IL1RAPL2: variants seen among roughly 807,000 people sequenced by gnomAD.
IL1RAPL2 encodes X-linked interleukin-1 receptor accessory protein-like 2.
In IL1RAPL2, 3 loss-of-function variants were observed where a neutral mutation model predicts 44.1. The ratio of observed to expected loss-of-function variants is 0.07; its 90% CI spans 0.03 to 0.18. The LOEUF (loss-of-function observed/expected upper bound fraction) is 0.18. Ranked by LOEUF, IL1RAPL2 falls within the 10% of genes least tolerant of loss-of-function variation. IL1RAPL2 has a pLI of 1.00. For missense variants in IL1RAPL2, 391 were observed against 496.4 expected (o/e 0.79, Z 2.02); for synonymous variants, 181 against 178.8 (o/e 1.01, Z -0.10).
At chrX:105,028,285 T>C (rs2031412242) in intron 2 of IL1RAPL2, among the ~76,000 whole-genome samples, 1 of 111,037 alleles carries the variant, frequency 9.0e-6, no homozygotes, top group Admixed American at 9.6e-5. Flanking sequence ...AGAGTGACTA[T>C]AGTCAATAAT....
intron 5 of IL1RAPL2, among the ~76,000 whole-genome samples, chrX:105,327,557 A>C (rs1166806132): frequency 8.9e-6 from 1 of 111,754 alleles, no homozygotes; most frequent in Non-Finnish European, 1.9e-5. Context: ...TGATTATTTA[A>C]ATTCTAGCAG....
intron 6 of IL1RAPL2, among the ~76,000 whole-genome samples, chrX:105,667,330 C>G (rs777376078): frequency 8.9e-6 from 1 of 112,061 alleles, no homozygotes; most frequent in Non-Finnish European, 1.9e-5. Flanking sequence ...CCTCAAAAAT[C>G]TGTTGTTTTA....
chrX:104,961,183 C>T (rs1261079983), intron 2 of IL1RAPL2, among the ~76,000 whole-genome samples: 1 of 111,370 alleles, frequency 9.0e-6, no homozygotes, highest in Non-Finnish European at 1.9e-5. Context: ...AAAGCAATCC[C>T]GGGGCCTCTG....
At chrX:104,945,546 T>C (rs1477843724) in intron 2 of IL1RAPL2, among the ~76,000 whole-genome samples, 1 of 111,811 alleles carries the variant, frequency 8.9e-6, no homozygotes, top group Non-Finnish European at 1.9e-5. Context: ...ATCAAGTGTA[T>C]GATATACAGG....
chrX:104,832,182 G>A (rs1338177950), intron 2 of IL1RAPL2, among the ~76,000 whole-genome samples: 1 of 111,583 alleles, frequency 9.0e-6, no homozygotes, highest in East Asian at 2.8e-4. Context: ...CAACAGATAT[G>A]TATTCCTGCC....
At chrX:105,418,115 A>G (rs1372984778) in intron 5 of IL1RAPL2, among the ~76,000 whole-genome samples, 3 of 110,836 alleles carry the variant, frequency 2.7e-5, no homozygotes, top group Non-Finnish European at 5.7e-5. Context: ...TTCAGCTTTA[A>G]TGTGAACTCC....
intron 2 of IL1RAPL2, among the ~76,000 whole-genome samples, chrX:104,715,373 TC>T (rs1198549136): frequency 4.7e-5 from 5 of 105,903 alleles, no homozygotes; most frequent in Non-Finnish European, 9.7e-5. Context: ...TTCTCTTTTT[TC>T]TTCATTACTC....
chrX:105,405,766 G>C, intron 5 of IL1RAPL2: 2 of 1,043,718 alleles, frequency 1.9e-6, no homozygotes, highest in East Asian at 6.1e-5. Flanking sequence ...CAGCATTCAA[G>C]AAATATTTAT....
chrX:104,782,644 T>C (rs1393533683), intron 2 of IL1RAPL2, among the ~76,000 whole-genome samples: 1 of 111,549 alleles, frequency 9.0e-6, no homozygotes, highest in Non-Finnish European at 1.9e-5. Context: ...CTTGTAAATA[T>C]TCATCAGCTC....
chrX:105,642,874 C>T (rs1314586250), intron 6 of IL1RAPL2, among the ~76,000 whole-genome samples: 2 of 112,893 alleles, frequency 1.8e-5, no homozygotes, highest in African/African-American at 6.4e-5. Context: ...TTTCTTCTTA[C>T]TATGTAACAA....
chrX:105,034,330 C>T lies in IL1RAPL2; in HGVS notation c.83-161145C>T, dbSNP rs144547833. On this transcript the variant is annotated intron_variant, in intron 2 of 10. Transcript: ENST00000372582. The stretch of plus-strand genomic sequence containing the variant: ...TTCTAGAGTTTCCAGATTTTCTGCT[C>T]TGTTTTTTCCCCATCTTTGTGGTTT... Among the ~76,000 whole-genome samples the T allele has an allele frequency of 3.3e-3, 370 of 111,927 alleles. 2 individuals are homozygous for T. The highest frequency in any genetic ancestry group is 0.011 in the African/African-American group (344 of 30,815).
At chrX:105,227,621 C>A (rs370518411) in intron 3 of IL1RAPL2, among the ~76,000 whole-genome samples, 1 of 111,651 alleles carries the variant, frequency 9.0e-6, no homozygotes, top group East Asian at 2.8e-4. Context: ...AGCAGGTGCC[C>A]ATTAAATGTC....
At chrX:105,670,912 A>G (rs1602513075) in intron 6 of IL1RAPL2, among the ~76,000 whole-genome samples, 1 of 106,930 alleles carries the variant, frequency 9.4e-6, no homozygotes. Context: ...ATATATATAT[A>G]CCATACATAT....
At chrX:105,108,980 C>G (rs2032774473) in intron 2 of IL1RAPL2, among the ~76,000 whole-genome samples, 1 of 111,650 alleles carries the variant, frequency 9.0e-6, no homozygotes, top group Non-Finnish European at 1.9e-5. Context: ...ATTTGCTCTC[C>G]CGCTTCACTC....
intron 2 of IL1RAPL2, among the ~76,000 whole-genome samples, chrX:105,014,157 C>T (rs758436686): frequency 1.8e-5 from 2 of 111,002 alleles, no homozygotes; most frequent in Non-Finnish European, 3.8e-5. Context: ...ATATTTTTCC[C>T]CAGGGAACAT....
intron 6 of IL1RAPL2, among the ~76,000 whole-genome samples, chrX:105,620,877 C>A (rs1602492273): frequency 9.0e-6 from 1 of 111,290 alleles, no homozygotes; most frequent in East Asian, 2.9e-4. Context: ...AAATATGAAT[C>A]TAATCTTGCT....
At chrX:105,626,003 GC>G (rs1466963147) in intron 6 of IL1RAPL2, among the ~76,000 whole-genome samples, 1 of 111,547 alleles carries the variant, frequency 9.0e-6, no homozygotes, top group Non-Finnish European at 1.9e-5. Flanking sequence ...ATCTAGGAGT[GC>G]CTTATTTAAA....
intron 6 of IL1RAPL2, among the ~76,000 whole-genome samples, chrX:105,610,198 T>A (rs949147635): frequency 2.7e-5 from 3 of 111,839 alleles, no homozygotes; most frequent in African/African-American, 9.8e-5. Context: ...GATAGAAGAT[T>A]GATTCTTGGA....
intron 5 of IL1RAPL2, among the ~76,000 whole-genome samples, chrX:105,434,413 G>A (rs928136916): frequency 6.3e-5 from 7 of 111,851 alleles, no homozygotes; most frequent in African/African-American, 1.3e-4. Flanking sequence ...GACTGTTTAC[G>A]GCAGCAGTAT....
Sources: gnomAD v4.1 joint callset for allele counts (sites outside exome capture counted in the v4.1 genomes callset) on GRCh38, gnomAD v4.1.1 for gene constraint, MANE v1.5 for transcripts, NCBI Gene and HGNC (gene_info 2026-07-23, HGNC 2026-07-21) for gene names.